Variants in FILIP1L observed in about 807,000 individuals in gnomAD.
The protein encoded by FILIP1L is filamin A-interacting protein 1-like.
FILIP1L carries 55 observed loss-of-function variants against 96.6 expected under a neutral mutation model. That is an observed-to-expected ratio of 0.57 (90% CI 0.46 to 0.71). The LOEUF is 0.71. Among genes scored for constraint, FILIP1L ranks in the 30% least tolerant of loss-of-function variants. FILIP1L has a pLI of 0.00. For missense variants in FILIP1L, 1,304 were observed against 1,321.2 expected (o/e 0.99, Z 0.20); for synonymous variants, 467 against 473.9 (o/e 0.99, Z 0.19).
intron 1 of FILIP1L, among the ~76,000 whole-genome samples, chr3:100,061,384 G>C (rs546038175): frequency 6.6e-5 from 10 of 152,286 alleles, no homozygotes; most frequent in African/African-American, 2.2e-4. Flanking sequence ...TTTGCTTAGA[G>C]ATTAAAACTT....
intron 4 of FILIP1L, among the ~76,000 whole-genome samples, chr3:99,918,644 CA>C (rs1707029682): frequency 6.6e-6 from 1 of 152,146 alleles, no homozygotes; most frequent in African/African-American, 2.4e-5. Flanking sequence ...GGTTTTATGA[CA>C]TCTGTTGAAA....
chr3:99,949,647 G>C (rs1046180568), intron 1 of FILIP1L, among the ~76,000 whole-genome samples: 2 of 152,170 alleles, frequency 1.3e-5, no homozygotes, highest in East Asian at 3.8e-4. Context: ...AGAAGTGCAT[G>C]GTGCTTATGT....
rs192013070 is a variant in FILIP1L, at chr3:99,839,812, C to G, written c.3381+8483G>C. 7.2e-5 allele frequency among the ~76,000 whole-genome samples: 11 copies of G among 152,192 alleles called. No individual in the cohort carries two copies. The East Asian group carries it at 1.9e-3, about 27-fold the overall frequency. Reference sequence around the variant, plus strand: ...TCTTCAGTATAGGTTTTTAAAGTTGCTTTGAGGCTTATGTTTCATCAGATT... The same window carrying G: ...TCTTCAGTATAGGTTTTTAAAGTTGGTTTGAGGCTTATGTTTCATCAGATT... On this transcript the variant is annotated intron_variant, in intron 5 of 5. Transcript: ENST00000477258.
chr3:99,954,690 G>A (rs771929574), intron 1 of FILIP1L, among the ~76,000 whole-genome samples: 1 of 152,074 alleles, frequency 6.6e-6, no homozygotes, highest in Non-Finnish European at 1.5e-5. Flanking sequence ...GCCAAGCATG[G>A]TGGTGCCCAC....
intron 4 of FILIP1L, among the ~76,000 whole-genome samples, chr3:99,908,576 C>T (rs879291449): frequency 5.9e-5 from 9 of 152,236 alleles, no homozygotes; most frequent in Non-Finnish European, 1.0e-4. Context: ...TCCTTGAGGC[C>T]TAATTCTCCT....
intron 1 of FILIP1L, among the ~76,000 whole-genome samples, chr3:99,971,284 G>A (rs956786266): frequency 6.7e-6 from 1 of 149,152 alleles, no homozygotes; most frequent in Non-Finnish European, 1.5e-5. Flanking sequence ...AGCTTGCAGT[G>A]AGCCAAGATC....
At chr3:99,984,287 T>G (rs561584166) in intron 1 of FILIP1L, among the ~76,000 whole-genome samples, 17 of 152,266 alleles carry the variant, frequency 1.1e-4, no homozygotes, top group South Asian at 2.1e-4. Flanking sequence ...TCAAACAAAA[T>G]GAAAGGCTAT....
chr3:100,054,444 C>T (rs1452184091), intron 1 of FILIP1L, among the ~76,000 whole-genome samples: 1 of 152,122 alleles, frequency 6.6e-6, no homozygotes, highest in South Asian at 2.1e-4. Context: ...CTTGCCTGCA[C>T]CATGAGCCAG....
At chr3:99,908,788 A>C (rs988049333) in intron 4 of FILIP1L, among the ~76,000 whole-genome samples, 3 of 152,162 alleles carry the variant, frequency 2.0e-5, no homozygotes, top group Non-Finnish European at 2.9e-5. Context: ...ACTAATTATC[A>C]AGTTATTTAC....
intron 4 of FILIP1L, among the ~76,000 whole-genome samples, chr3:99,879,889 G>A (rs1414043562): frequency 3.3e-5 from 5 of 152,194 alleles, no homozygotes; most frequent in African/African-American, 1.2e-4. Context: ...TGCATAGGGA[G>A]AGGTATAGTT....
At chr3:100,024,598 C>T (rs577963428) in intron 1 of FILIP1L, among the ~76,000 whole-genome samples, 1 of 152,138 alleles carries the variant, frequency 6.6e-6, no homozygotes, top group Non-Finnish European at 1.5e-5. Flanking sequence ...ATTATAGTAA[C>T]AAATCCAACA....
intron 1 of FILIP1L, among the ~76,000 whole-genome samples, chr3:99,998,687 C>G (rs1709753789): frequency 6.6e-6 from 1 of 152,194 alleles, no homozygotes; most frequent in Non-Finnish European, 1.5e-5. Context: ...CTCAGCCTCC[C>G]CAGTAGCTGG....
At chr3:100,007,131 G>A (rs1310072425) in intron 1 of FILIP1L, among the ~76,000 whole-genome samples, 3 of 151,940 alleles carry the variant, frequency 2.0e-5, no homozygotes, top group Non-Finnish European at 4.4e-5. Context: ...TTAGCCTATT[G>A]GTAAATGTTT....
intron 4 of FILIP1L, among the ~76,000 whole-genome samples, chr3:99,886,426 C>G (rs1490839973): frequency 1.3e-5 from 2 of 150,894 alleles, no homozygotes; most frequent in Non-Finnish European, 2.9e-5. Context: ...AAAAAAAAAT[C>G]GGAAAAAAAA....
At chr3:99,921,857 A>C (rs1400457108) in intron 4 of FILIP1L, among the ~76,000 whole-genome samples, 6 of 152,140 alleles carry the variant, frequency 3.9e-5, no homozygotes, top group Non-Finnish European at 5.9e-5. Context: ...CCTCCAGCCC[A>C]TGGCCTTTAT....
intron 1 of FILIP1L, among the ~76,000 whole-genome samples, chr3:99,971,080 G>A (rs1708801271): frequency 6.6e-6 from 1 of 152,208 alleles, no homozygotes; most frequent in South Asian, 2.1e-4. Context: ...GCTCACGCCT[G>A]TAATCCCAGC....
intron 1 of FILIP1L, among the ~76,000 whole-genome samples, chr3:100,103,898 C>T (rs2066351070): frequency 6.6e-6 from 1 of 152,162 alleles, no homozygotes; most frequent in Non-Finnish European, 1.5e-5. Context: ...TAAATATCAA[C>T]CTTATTAATA....
At chr3:99,966,145 T>G (rs905434747) in intron 1 of FILIP1L, among the ~76,000 whole-genome samples, 5 of 152,204 alleles carry the variant, frequency 3.3e-5, no homozygotes, top group Admixed American at 2.6e-4. Context: ...GTAAATAAAA[T>G]GTTCACAACT....
At chr3:100,100,388 A>G (rs2066284153) in intron 1 of FILIP1L, among the ~76,000 whole-genome samples, 1 of 152,224 alleles carries the variant, frequency 6.6e-6, no homozygotes, top group Admixed American at 6.5e-5. Context: ...CTTATACATT[A>G]TAATATTATC....
Sources: allele counts gnomAD v4.1 joint callset (sites outside exome capture counted in the v4.1 genomes callset), GRCh38; gene constraint gnomAD v4.1.1; transcripts MANE v1.5; gene names NCBI Gene and HGNC (gene_info 2026-07-23, HGNC 2026-07-21).